Variants in PDILT observed in about 807,000 individuals in gnomAD.
PDILT encodes the protein protein disulfide isomerase like, testis expressed.
Under a neutral mutation model 53.7 loss-of-function variants are expected in PDILT, and 43 were observed. The ratio of observed to expected loss-of-function variants is 0.80; its 90% confidence interval spans 0.63 to 1.03. The LOEUF is 1.03. Ranked by LOEUF, PDILT falls within the 50% of genes least tolerant of loss-of-function variation. The probability of loss-of-function intolerance (pLI) is 0.00; values close to 1 mark genes in which losing one functional copy is unlikely to be tolerated. For missense variants in PDILT, 727 were observed against 712.3 expected, an observed-to-expected ratio of 1.02 and a Z score of -0.24; for synonymous variants, 282 against 274.2, an observed-to-expected ratio of 1.03 and a Z score of -0.28.
chr16:20,395,875 G>A (rs2141620757), intron 2 of PDILT, among the ~76,000 whole-genome samples: 1 of 152,276 alleles, frequency 6.6e-6, no homozygotes, highest in South Asian at 2.1e-4. Context: ...CTTCCACCAT[G>A]AGTAGAAGCA....
chr16:20,376,218 T>C lies in PDILT; in HGVS notation c.410-17A>G. Reference sequence around the variant, plus strand: ...CAACCACTCCTGGAGAAAGACACAGTCAAATAGATACCAGAGAAGTTTCCT... The same window carrying C: ...CAACCACTCCTGGAGAAAGACACAGCCAAATAGATACCAGAGAAGTTTCCT... On this transcript the variant is annotated splice_polypyrimidine_tract_variant and intron_variant, in intron 3 of 11. Transcript: ENST00000302451. 1 of 1,613,580 alleles carries C rather than the reference T, an allele frequency of 6.2e-7. No homozygotes were observed. The highest frequency in any genetic ancestry group is 8.5e-7 in the Non-Finnish European group (1 of 1,179,744).
chr16:20,381,655 A>G (rs1390963167), intron 3 of PDILT, among the ~76,000 whole-genome samples: 1 of 150,736 alleles, frequency 6.6e-6, no homozygotes, highest in Non-Finnish European at 1.5e-5. Context: ...AAAAAAAAAA[A>G]GAGAAATTGG....
At chr16:20,378,193 G>A (rs1246019768) in intron 3 of PDILT, among the ~76,000 whole-genome samples, 4 of 152,164 alleles carry the variant, frequency 2.6e-5, no homozygotes, top group Non-Finnish European at 5.9e-5. Flanking sequence ...TTATAATAAA[G>A]TATATTTACA....
At chr16:20,396,421 A>G (rs1170909773) in intron 2 of PDILT, among the ~76,000 whole-genome samples, 1 of 152,238 alleles carries the variant, frequency 6.6e-6, no homozygotes, top group Non-Finnish European at 1.5e-5. Context: ...AAATATTGAT[A>G]TCAACAACCA....
At position 20,362,599 on chromosome 16, in the gene PDILT, A is replaced by G. The variant is rs746056355; in HGVS notation, c.1238-17T>C. 6 of 1,613,382 alleles carry G rather than the reference A, an allele frequency of 3.7e-6. No homozygotes were observed. Among genetic ancestry groups the G allele is most frequent in the African/African-American group, 1.3e-5 (1 of 74,900 alleles). ...AGGGTGCATCTGGAAGAGAAGGTCC[A>G]TGGCTCAGGCTCACATTGATGAAGA... On this transcript the variant is annotated splice_polypyrimidine_tract_variant and intron_variant, in intron 9 of 11. Transcript: ENST00000302451.
intron 3 of PDILT, among the ~76,000 whole-genome samples, chr16:20,382,753 A>G (rs1241783504): frequency 1.3e-5 from 2 of 151,866 alleles, no homozygotes; most frequent in Non-Finnish European, 2.9e-5. Flanking sequence ...TCTTTTCACC[A>G]TCCCCATTTA....
At chr16:20,389,390 A>C (rs1183682176) in intron 2 of PDILT, among the ~76,000 whole-genome samples, 1 of 152,172 alleles carries the variant, frequency 6.6e-6, no homozygotes, top group African/African-American at 2.4e-5. Flanking sequence ...AAGGTGTGCA[A>C]AACTTTGGTA....
Position 20,373,050 on chromosome 16 carries a change from G to GT in PDILT, c.753dup (p.Gln252ThrfsTer13). 2 of 1,614,116 alleles carry GT rather than the reference G, an allele frequency of 1.2e-6. No individual in the cohort carries two copies. The highest frequency in any genetic ancestry group is 1.7e-6 in the Non-Finnish European group (2 of 1,179,982). On this transcript the variant is annotated frameshift_variant, in exon 6 of 12. Coordinates refer to ENST00000302451, the MANE Select transcript of PDILT (RefSeq NM_174924.2). LOFTEE classifies it high-confidence loss of function. ...TCGATCACAAAATCTGTAAGGTGCTGTTTTATGACACGATTGAGTTCCTGT... is the reference window on the plus strand; with the variant it reads ...TCGATCACAAAATCTGTAAGGTGCTGTTTTTATGACACGATTGAGTTCCTGT...
At position 20,370,843 on chromosome 16, in the gene PDILT, T is replaced by C. The variant is rs2141711189; in HGVS notation, c.919-1154A>G. Among the ~76,000 whole-genome samples the C allele has an allele frequency of 2.0e-5, 3 of 152,160 alleles. No individual in the cohort carries two copies. The South Asian group carries it at 6.2e-4, about 32-fold the overall frequency. On this transcript the variant is annotated intron_variant, in intron 7 of 11. Transcript: ENST00000302451. Reference sequence around the variant, plus strand: ...CCTCTGGGCATCCTCACTGCTACACTCCCACCAGCACCACGACAGTTTACA... The same window carrying C: ...CCTCTGGGCATCCTCACTGCTACACCCCCACCAGCACCACGACAGTTTACA...
At chr16:20,396,773 C>T (rs143980517) in intron 2 of PDILT, among the ~76,000 whole-genome samples, 3 of 152,208 alleles carry the variant, frequency 2.0e-5, no homozygotes, top group Non-Finnish European at 4.4e-5. Context: ...TTGTGACATT[C>T]CTGGCTTAAA....
At chr16:20,400,054 CTATA>C (rs138618785) in intron 1 of PDILT, among the ~76,000 whole-genome samples, 13,656 of 124,430 alleles carry the variant, frequency 0.11, 845 homozygotes, top group African/African-American at 0.16. Context: ...ATCTATCTAT[CTATA>C]TATATATATA....
At chr16:20,368,821 T>C (rs896230067) in intron 8 of PDILT, among the ~76,000 whole-genome samples, 1 of 152,088 alleles carries the variant, frequency 6.6e-6, no homozygotes, top group Non-Finnish European at 1.5e-5. Flanking sequence ...TGGGCTCAAG[T>C]GATCCTCTCA....
chr16:20,360,781 T>G, intron 10 of PDILT, 124 bp from the exon 11 acceptor site: 1 of 694,334 alleles, frequency 1.4e-6, no homozygotes. Context: ...GCAGGTTCCC[T>G]AACCTCTCTT....
intron 1 of PDILT, among the ~76,000 whole-genome samples, chr16:20,404,156 T>TTGAA (rs905705901): frequency 2.0e-5 from 3 of 152,188 alleles, no homozygotes; most frequent in Non-Finnish European, 2.9e-5. Flanking sequence ...TGAATGTTTG[T>TTGAA]TGAATGAATG....
intron 1 of PDILT, among the ~76,000 whole-genome samples, chr16:20,400,375 T>C (rs1222941177): frequency 6.6e-6 from 1 of 151,608 alleles, no homozygotes; most frequent in Non-Finnish European, 1.5e-5. Flanking sequence ...GCACCCAGCC[T>C]GAATGTATAT....
Position 20,369,626 on chromosome 16 carries a change from C to A in PDILT, c.982G>T (p.Val328Phe). Reference sequence around the variant, plus strand: ...ACGGATGGGATATCGACCTCTGTGACCCGGAAGTACTTGAAGACACGTCCA... The same window carrying A: ...ACGGATGGGATATCGACCTCTGTGAACCGGAAGTACTTGAAGACACGTCCA... Reference protein sequence around the residue: ...RNGRVFKYFRVTEVDIPSVQI... With the variant: ...RNGRVFKYFRFTEVDIPSVQI... The change falls in exon 8 of 12, where the codon GTC becomes TTC. Residue 328 changes from valine (V) to phenylalanine (F), a missense_variant. Physicochemically the swap from Val to Phe is conservative, Grantham distance 50. Coordinates refer to ENST00000302451, the MANE Select transcript of PDILT (RefSeq NM_174924.2). The A allele has an allele frequency of 6.2e-7, 1 of 1,614,154 alleles. No homozygotes were observed. The highest frequency in any genetic ancestry group is 8.5e-7 in the Non-Finnish European group (1 of 1,180,036).
intron 1 of PDILT, among the ~76,000 whole-genome samples, chr16:20,403,437 C>A (rs934244449): frequency 1.3e-5 from 2 of 152,184 alleles, no homozygotes; most frequent in South Asian, 2.1e-4. Context: ...CTACAGGCAC[C>A]CGCCACCATG....
At chr16:20,395,598 C>T (rs1448419375) in intron 2 of PDILT, among the ~76,000 whole-genome samples, 1 of 152,158 alleles carries the variant, frequency 6.6e-6, no homozygotes, top group African/African-American at 2.4e-5. Flanking sequence ...GAGTAAGCCA[C>T]CTGCTATAGT....
intron 2 of PDILT, among the ~76,000 whole-genome samples, chr16:20,392,496 C>G (rs75126936): frequency 6.6e-6 from 1 of 151,842 alleles, no homozygotes; most frequent in East Asian, 1.9e-4. Context: ...TGAAAATAAT[C>G]TCTTTTGCAA....
Sources: gnomAD v4.1 joint callset for allele counts (sites outside exome capture counted in the v4.1 genomes callset) on GRCh38, gnomAD v4.1.1 for gene constraint, MANE v1.5 for transcripts, NCBI Gene and HGNC (gene_info 2026-07-23, HGNC 2026-07-21) for gene names.